The following ORC5 variants were observed in gnomAD, a reference collection of about 807,000 sequenced individuals.
ORC5 encodes protein phosphatase 1, regulatory subunit 117.
In ORC5, 39 loss-of-function variants were observed where a neutral mutation model predicts 58.8. The ratio of observed to expected loss-of-function variants is 0.66; its 90% CI spans 0.51 to 0.87. The LOEUF (loss-of-function observed/expected upper bound fraction) is 0.87, where lower values mean the gene tolerates loss of function less well. Among genes scored for constraint, ORC5 ranks in the 40% least tolerant of loss-of-function variants. The probability of loss-of-function intolerance (pLI) is 0.00; values close to 1 mark genes in which losing one functional copy is unlikely to be tolerated. For synonymous variants in ORC5, 218 were observed against 177.6 expected, an observed-to-expected ratio of 1.23 and a Z score of -1.81; for missense variants, 493 against 506.3, an observed-to-expected ratio of 0.97 and a Z score of 0.25.
rs569138161 is a variant in ORC5 at position 104,165,112 on chromosome 7, C to A, written c.1038+123G>T. Reference sequence around the variant, plus strand: ...ATAACAAAATTCTATTACAGTATAACGGTACCATATCAACACAAATAAGTT... The same window carrying A: ...ATAACAAAATTCTATTACAGTATAAAGGTACCATATCAACACAAATAAGTT... On this transcript the variant is annotated intron_variant, in intron 11 of 13. Transcript: ENST00000297431. The A allele has an allele frequency of 1.6e-5, 9 of 572,870 alleles. No homozygotes were observed. In the East Asian group the frequency reaches 2.4e-4, roughly 16 times the overall value. The allele number at this position is 572,870 out of a possible 1,614,324, so 35.5% of individuals were successfully genotyped here.
intron 12 of ORC5, among the ~76,000 whole-genome samples, chr7:104,152,183 C>T (rs1394110313): frequency 6.6e-6 from 1 of 152,142 alleles, no homozygotes. Flanking sequence ...GAGTCTTGCT[C>T]TGTCACCCAG....
At chr7:104,167,124 C>G (rs1562814909) in intron 9 of ORC5, among the ~76,000 whole-genome samples, 1 of 152,108 alleles carries the variant, frequency 6.6e-6, no homozygotes, top group Non-Finnish European at 1.5e-5. Flanking sequence ...CTAAATCCTA[C>G]TCGTTCTTCT....
At chr7:104,185,640 AC>A (rs1799527805) in intron 6 of ORC5, among the ~76,000 whole-genome samples, 1 of 152,206 alleles carries the variant, frequency 6.6e-6, no homozygotes, top group Admixed American at 6.5e-5. Flanking sequence ...TCTATGTTTA[AC>A]GATCTCTCTA....
intron 8 of ORC5, among the ~76,000 whole-genome samples, chr7:104,181,791 CAA>C (rs34988883): frequency 2.2e-4 from 19 of 85,784 alleles, no homozygotes; most frequent in Admixed American, 2.6e-4. Flanking sequence ...GACTCCGTCT[CAA>C]AAAAAAAAAA....
At chr7:104,172,012 G>A (rs1168431642) in intron 8 of ORC5, among the ~76,000 whole-genome samples, 3 of 152,086 alleles carry the variant, frequency 2.0e-5, no homozygotes, top group South Asian at 2.1e-4. Context: ...ACTAGTCAAC[G>A]TATCCCTTGT....
At chr7:104,154,761 G>A (rs866276064) in intron 12 of ORC5, among the ~76,000 whole-genome samples, 11 of 151,700 alleles carry the variant, frequency 7.3e-5, no homozygotes, top group African/African-American at 2.2e-4. Flanking sequence ...ATTTATAAAC[G>A]TTTTAGAATT....
intron 8 of ORC5, among the ~76,000 whole-genome samples, chr7:104,172,931 C>A (rs1364702685): frequency 6.6e-6 from 1 of 150,710 alleles, no homozygotes; most frequent in Non-Finnish European, 1.5e-5. Context: ...ATTCAAATAT[C>A]TAGCATAAAT....
chr7:104,196,559 C>T (rs975498935), intron 4 of ORC5, among the ~76,000 whole-genome samples: 7 of 152,186 alleles, frequency 4.6e-5, no homozygotes, highest in African/African-American at 1.7e-4. Context: ...CTTCAGGAGT[C>T]AGCCTTGGGC....
intron 8 of ORC5, among the ~76,000 whole-genome samples, chr7:104,173,816 A>T (rs56821345): frequency 0.044 from 6,678 of 150,082 alleles, 491 homozygotes; most frequent in African/African-American, 0.15. Context: ...TATTTTGTTT[A>T]ATCTGCATAC....
chr7:104,132,752 CTAAT>C (rs1432210877), intron 13 of ORC5, among the ~76,000 whole-genome samples: 3 of 152,154 alleles, frequency 2.0e-5, no homozygotes, highest in South Asian at 2.1e-4. Context: ...AAGATGAACT[CTAAT>C]TACTCAATTA....
intron 4 of ORC5, 43 bp downstream of exon 4, chr7:104,197,682 T>A (rs982546224): frequency 7.8e-7 from 1 of 1,276,764 alleles, no homozygotes; most frequent in African/African-American, 1.5e-5. Flanking sequence ...ACACAATCCA[T>A]TGATTAAGTT....
intron 12 of ORC5, among the ~76,000 whole-genome samples, chr7:104,144,718 C>T (rs1409401897): frequency 6.6e-6 from 1 of 152,224 alleles, no homozygotes; most frequent in Non-Finnish European, 1.5e-5. Flanking sequence ...GATCGTGCCA[C>T]TGTACTCCAC....
At chr7:104,144,177 C>A (rs537609278) in intron 12 of ORC5, among the ~76,000 whole-genome samples, 5 of 152,170 alleles carry the variant, frequency 3.3e-5, no homozygotes, top group Non-Finnish European at 7.4e-5. Flanking sequence ...TTTAAAGGTA[C>A]TTTCCCAGTT....
chr7:104,201,571 C>CT (rs1799943822), intron 2 of ORC5, among the ~76,000 whole-genome samples: 1 of 150,294 alleles, frequency 6.7e-6, no homozygotes, highest in South Asian at 2.1e-4. Flanking sequence ...AATCCCAAGG[C>CT]TTTGGGTCAG....
At chr7:104,179,739 T>C (rs1378862875) in intron 8 of ORC5, among the ~76,000 whole-genome samples, 1 of 152,164 alleles carries the variant, frequency 6.6e-6, no homozygotes, top group East Asian at 1.9e-4. Flanking sequence ...GGTAATTTCA[T>C]TTCTTGAGGT....
chr7:104,136,707 G>T lies in ORC5; in HGVS notation c.1262+74C>A. 2 of 921,238 alleles carry T rather than the reference G, an allele frequency of 2.2e-6. No homozygotes were observed. The highest frequency in any genetic ancestry group is 3.5e-6 in the Non-Finnish European group (2 of 571,034). 57.1% of individuals were successfully genotyped at this position (921,238 alleles called of 1,614,324 possible). ...TGATTTTTTCATGTTTAAATGTCATGACTAATGACATCACATTTGGAAAAC... is the reference window on the plus strand; with the variant it reads ...TGATTTTTTCATGTTTAAATGTCATTACTAATGACATCACATTTGGAAAAC... On this transcript the variant is annotated intron_variant, in intron 13 of 13. Coordinates refer to ENST00000297431, the MANE Select transcript of ORC5 (RefSeq NM_002553.4). The surrounding 1 kb of genome is among the most constrained non-coding windows in gnomAD (Gnocchi z 4.2).
chr7:104,168,388 G>A (rs1170593198), intron 9 of ORC5, 85 bp downstream of exon 9: 2 of 1,536,880 alleles, frequency 1.3e-6, no homozygotes, highest in Non-Finnish European at 1.8e-6. Flanking sequence ...TTTCCTGACT[G>A]AATGCTCTTT....
chr7:104,187,719 T>A (rs1799579452), intron 6 of ORC5: 1 of 771,176 alleles, frequency 1.3e-6, no homozygotes, highest in Non-Finnish European at 1.6e-6. Context: ...TTCTAATTGT[T>A]AAAAAAAAAA....
chr7:104,165,084 A>C (rs1440823456), intron 11 of ORC5, 151 bp downstream of exon 11: 1 of 510,976 alleles, frequency 2.0e-6, no homozygotes, highest in African/African-American at 2.0e-5. Context: ...CACTATATTC[A>C]ATATAACAAA....
Sources: allele counts gnomAD v4.1 joint callset (sites outside exome capture counted in the v4.1 genomes callset), GRCh38; gene constraint gnomAD v4.1.1; non-coding constraint Gnocchi (gnomAD v3.1); transcripts MANE v1.5; gene names NCBI Gene and HGNC (gene_info 2026-07-23, HGNC 2026-07-21).